Variants in ERAP2 observed in about 807,000 individuals in gnomAD.
ERAP2 encodes endoplasmic reticulum aminopeptidase 2.
ERAP2 carries 118 observed loss-of-function variants against 111.1 expected under a neutral mutation model. That is an observed-to-expected ratio of 1.06 (90% CI 0.92 to 1.24). The LOEUF (loss-of-function observed/expected upper bound fraction) is 1.24, where lower values mean the gene tolerates loss of function less well. Ranked by LOEUF, ERAP2 falls within the 50% of genes most tolerant of loss-of-function variation. The pLI is 0.00. For synonymous variants in ERAP2, 410 were observed against 401.2 expected, an observed-to-expected ratio of 1.02 and a Z score of -0.26; for missense variants, 1,131 against 1,125.8, an observed-to-expected ratio of 1.00 and a Z score of -0.07.
rs183482719 is a variant in ERAP2 at position 96,881,201 on chromosome 5, G to T, written c.575+941G>T. 3 of 347,468 alleles carry T rather than the reference G, an allele frequency of 8.6e-6. No homozygotes were observed. In the Admixed American group the frequency reaches 1.2e-4, roughly 14 times the overall value. 21.5% of individuals were successfully genotyped at this position (347,468 alleles called of 1,614,324 possible). ...ACTGGAGGATTCTGCTCTGATTTAT[G>T]CTTTATAAAGATCAAGTCTATGTTG... On this transcript the variant is annotated intron_variant, in intron 2 of 18. Coordinates refer to ENST00000437043, the MANE Select transcript of ERAP2 (RefSeq NM_022350.5).
At chr5:96,894,679 A>G (rs560356104) in intron 6 of ERAP2, among the ~76,000 whole-genome samples, 1 of 152,200 alleles carries the variant, frequency 6.6e-6, no homozygotes, top group African/African-American at 2.4e-5. Flanking sequence ...TTAGACCTTT[A>G]TTGTTTCTAG....
chr5:96,906,520 G>A (rs1197493614), intron 13 of ERAP2, among the ~76,000 whole-genome samples: 1 of 152,116 alleles, frequency 6.6e-6, no homozygotes, highest in Admixed American at 6.6e-5. Flanking sequence ...CTCCTGCCTC[G>A]GCTTCCCCAA....
Position 96,895,325 on chromosome 5 carries a change from T to C in ERAP2, c.1205T>C (p.Ile402Thr), listed in dbSNP as rs751172870. The C allele has an allele frequency of 1.9e-6, 3 of 1,612,318 alleles. No homozygotes were observed. The highest frequency in any genetic ancestry group is 1.7e-6 in the Non-Finnish European group (2 of 1,178,720). ...KEGFAKYMELIAVNATYPELQ... is the reference protein window; with the variant it reads ...KEGFAKYMELTAVNATYPELQ... ...GGTTTTGCAAAATACATGGAACTTA[T>C]CGCTGTTAATGCTACATATCCAGAG... is the stretch of plus-strand genomic sequence containing the variant. The change falls in exon 7 of 19, where the codon ATC (isoleucine) becomes ACC (threonine). Residue 402 changes from isoleucine to threonine, a missense_variant. Transcript: ENST00000437043.
Position 96,901,565 on chromosome 5 carries a change from G to A in ERAP2, c.1632G>A (p.Gln544=), listed in dbSNP as rs1167791439. The stretch of plus-strand genomic sequence containing the variant: ...AGATGATGACTACATGGACTCTCCA[G>A]AAAGGAATCCCCCTGCTGGTGGTTA... ...VKEMMTTWTL[Q]KGIPLLVVKQ... is the part of the protein sequence containing the mutation. The change falls in exon 11 of 19, where the codon CAG becomes CAA. Residue 544 remains glutamine, a synonymous_variant. Transcript: ENST00000437043. The A allele has an allele frequency of 1.2e-6, 2 of 1,614,096 alleles. No homozygotes were observed. Among genetic ancestry groups the A allele is most frequent in the Non-Finnish European group, 1.7e-6 (2 of 1,179,970 alleles).
At chr5:96,916,820 T>C (rs990699134) in intron 18 of ERAP2, among the ~76,000 whole-genome samples, 3 of 151,882 alleles carry the variant, frequency 2.0e-5, no homozygotes, top group African/African-American at 7.3e-5. Flanking sequence ...ACAATAAATC[T>C]TGAATTTATT....
At chr5:96,894,587 T>C (rs1784679563) in intron 6 of ERAP2, among the ~76,000 whole-genome samples, 1 of 152,182 alleles carries the variant, frequency 6.6e-6, no homozygotes, top group Non-Finnish European at 1.5e-5. Context: ...AAATGCATAA[T>C]ACAGATCAAA....
At position 96,896,459 on chromosome 5, in the gene ERAP2, C is replaced by G. The variant is rs772311011; in HGVS notation, c.1326C>G (p.Thr442=). The change falls in exon 8 of 19, where the codon ACC becomes ACG. Residue 442 remains threonine (T), a synonymous_variant. Coordinates refer to ENST00000437043, the MANE Select transcript of ERAP2 (RefSeq NM_022350.5). ...SSRPISKPAE[T]PTQIQEMFDE... ...GCCCTATCTCCAAACCAGCGGAAAC[C>G]CCGACTCAAATACAGGAAATGTTTG... The G allele has an allele frequency of 2.4e-5, 38 of 1,613,454 alleles. No homozygotes were observed. Among genetic ancestry groups the G allele is most frequent in the Non-Finnish European group, 2.9e-5 (34 of 1,179,650 alleles).
At chr5:96,878,010 T>C (rs532940691) in intron 1 of ERAP2, among the ~76,000 whole-genome samples, 4 of 152,246 alleles carry the variant, frequency 2.6e-5, no homozygotes. Context: ...ACCTTCATGG[T>C]TTGAGTTGGA....
In ERAP2 at chr5:96,892,328, G is replaced by A. The variant is rs910310199; in HGVS notation, c.1000G>A (p.Gly334Arg). 6.2e-7 allele frequency: 1 copy of A among 1,613,740 alleles called. No individual in the cohort carries two copies. The highest frequency in any genetic ancestry group is 1.3e-5 in the African/African-American group (1 of 74,884). Reference sequence around the variant, plus strand: ...AATTGCTATTCCTGACTTTGCACCTGGAGCCATGGAAAATTGGGGCCTCAT... The same window carrying A: ...AATTGCTATTCCTGACTTTGCACCTAGAGCCATGGAAAATTGGGGCCTCAT... Reference protein sequence around the residue: ...DLIAIPDFAPGAMENWGLITY... With the variant: ...DLIAIPDFAPRAMENWGLITY... The change falls in exon 6 of 19, where the codon GGA becomes AGA. Residue 334 changes from glycine to arginine, a missense_variant. Coordinates refer to ENST00000437043, the MANE Select transcript of ERAP2 (RefSeq NM_022350.5).
rs1191612033 is a variant in ERAP2, at chr5:96,901,695, T to G, written c.1748+14T>G. ...CCTGCAGGAGAGGTGGCTGCTTTTC[T>G]TCTTTAGGTCTAGCTTACCTCATCT... On this transcript the variant is annotated intron_variant, in intron 11 of 18. Coordinates refer to ENST00000437043, the MANE Select transcript of ERAP2 (RefSeq NM_022350.5). 1 of 1,612,358 alleles carries G rather than the reference T, an allele frequency of 6.2e-7. No individual in the cohort carries two copies. Among genetic ancestry groups the G allele is most frequent in the South Asian group, 1.1e-5 (1 of 90,974 alleles).
At chr5:96,886,136 CAG>C (rs1163361588) in intron 3 of ERAP2, among the ~76,000 whole-genome samples, 3 of 152,202 alleles carry the variant, frequency 2.0e-5, no homozygotes, top group African/African-American at 7.2e-5. Flanking sequence ...GTGAACATTT[CAG>C]AGTCTCTGTT....
chr5:96,883,473 C>A (rs1230828846), intron 2 of ERAP2, among the ~76,000 whole-genome samples: 1 of 152,150 alleles, frequency 6.6e-6, no homozygotes, highest in African/African-American at 2.4e-5. Flanking sequence ...AACATGTGTA[C>A]TATTTCAGTC....
chr5:96,899,874 T>C (rs1785265237), intron 9 of ERAP2, among the ~76,000 whole-genome samples: 1 of 152,212 alleles, frequency 6.6e-6, no homozygotes, highest in South Asian at 2.1e-4. Flanking sequence ...GAACGGTTAA[T>C]GACTTTATTG....
intron 18 of ERAP2, 135 bp from the exon 19 acceptor site, chr5:96,917,327 C>T (rs1787528008): frequency 1.5e-6 from 1 of 648,900 alleles, no homozygotes; most frequent in Non-Finnish European, 2.6e-6. Flanking sequence ...TGGCATGTTG[C>T]CTAGGCTCGT....
At chr5:96,903,633 A>C in intron 13 of ERAP2, 73 bp downstream of exon 13, 1 of 1,340,962 alleles carries the variant, frequency 7.5e-7, no homozygotes, top group Non-Finnish European at 1.0e-6. Context: ...TTCAATATTG[A>C]ATGTTCAACA....
At chr5:96,886,584 C>A (rs1783743563) in intron 3 of ERAP2, 71 bp from the exon 4 acceptor site, 2 of 1,338,306 alleles carry the variant, frequency 1.5e-6, no homozygotes, top group Non-Finnish European at 2.0e-6. Flanking sequence ...AACTCACCTG[C>A]CATAAGTCAT....
At chr5:96,891,456 C>A (rs1200196031) in intron 5 of ERAP2, among the ~76,000 whole-genome samples, 2 of 148,206 alleles carry the variant, frequency 1.3e-5, no homozygotes, top group African/African-American at 2.5e-5. Context: ...TATATACACA[C>A]ACACACATAT....
intron 15 of ERAP2, among the ~76,000 whole-genome samples, chr5:96,911,682 G>A (rs1786751765): frequency 6.6e-6 from 1 of 151,744 alleles, no homozygotes; most frequent in Non-Finnish European, 1.5e-5. Flanking sequence ...GACCAGCCTT[G>A]TCAACATAGT....
At chr5:96,906,519 C>T (rs1018653753) in intron 13 of ERAP2, among the ~76,000 whole-genome samples, 3 of 152,170 alleles carry the variant, frequency 2.0e-5, no homozygotes, top group Admixed American at 6.5e-5. Flanking sequence ...CCTCCTGCCT[C>T]GGCTTCCCCA....
Sources: gnomAD v4.1 joint callset for allele counts (sites outside exome capture counted in the v4.1 genomes callset) on GRCh38, gnomAD v4.1.1 for gene constraint, MANE v1.5 for transcripts, NCBI Gene and HGNC (gene_info 2026-07-23, HGNC 2026-07-21) for gene names.